Variants in FHIT observed in about 807,000 individuals in gnomAD.
The protein encoded by FHIT is bis(5'-adenosyl)-triphosphatase.
In FHIT, 19 loss-of-function variants were observed where a neutral mutation model predicts 17.9. That is an observed-to-expected ratio of 1.06 (90% confidence interval 0.74 to 1.56). FHIT has a LOEUF of 1.56. Among genes scored for constraint, FHIT ranks in the 40% most tolerant of loss-of-function variants. FHIT has a pLI of 0.00. For synonymous variants in FHIT, 81 were observed against 69.7 expected, an observed-to-expected ratio of 1.16 and a Z score of -0.81; for missense variants, 248 against 189.2, an observed-to-expected ratio of 1.31 and a Z score of -1.82.
At chr3:60,694,326 A>T (rs1553700111) in intron 4 of FHIT, among the ~76,000 whole-genome samples, 1 of 152,130 alleles carries the variant, frequency 6.6e-6, no homozygotes, top group Non-Finnish European at 1.5e-5. Context: ...AGAAAGAAAG[A>T]AAACAATCAG....
At chr3:60,463,897 T>G (rs1214576247) in intron 5 of FHIT, among the ~76,000 whole-genome samples, 1 of 152,240 alleles carries the variant, frequency 6.6e-6, no homozygotes, top group African/African-American at 2.4e-5. Flanking sequence ...CAGCTGTTAA[T>G]TATTATCCAC....
chr3:60,118,392 G>A (rs1705078741), intron 5 of FHIT, among the ~76,000 whole-genome samples: 2 of 151,714 alleles, frequency 1.3e-5, no homozygotes, highest in Admixed American at 6.6e-5. Context: ...ATACGTGTGA[G>A]CCACTGCACC....
Position 60,092,621 on chromosome 3 carries a change from G to A in FHIT, c.104-78469C>T, listed in dbSNP as rs189591188. Among the ~76,000 whole-genome samples, 17 of 152,222 alleles carry A rather than the reference G, an allele frequency of 1.1e-4. No individual in the cohort carries two copies. In the East Asian group the frequency reaches 3.3e-3, roughly 29 times the overall value. ...AAGTATGGTAAGAACAAGTCACTAG[G>A]AGGCCAGCAAGAGAGGATTAATGAA... On this transcript the variant is annotated intron_variant, in intron 5 of 9. Coordinates refer to ENST00000492590, the MANE Select transcript of FHIT (RefSeq NM_002012.4).
chr3:61,005,107 G>A (rs2031357370), intron 3 of FHIT, among the ~76,000 whole-genome samples: 1 of 152,072 alleles, frequency 6.6e-6, no homozygotes, highest in Non-Finnish European at 1.5e-5. Flanking sequence ...ATTCTCCCTA[G>A]AAAGAATGTG....
intron 3 of FHIT, among the ~76,000 whole-genome samples, chr3:60,857,321 T>A (rs1703430590): frequency 6.6e-6 from 1 of 152,258 alleles, no homozygotes; most frequent in African/African-American, 2.4e-5. Flanking sequence ...AAAATCAGTG[T>A]CCTCCCTATC....
chr3:61,062,055 A>G (rs1231252169), intron 2 of FHIT, among the ~76,000 whole-genome samples: 1 of 152,166 alleles, frequency 6.6e-6, no homozygotes, highest in African/African-American at 2.4e-5. Context: ...ATATAATACT[A>G]TATATAATAC....
intron 8 of FHIT, among the ~76,000 whole-genome samples, chr3:59,774,643 T>A (rs1702222639): frequency 2.0e-5 from 3 of 152,140 alleles, no homozygotes; most frequent in Non-Finnish European, 4.4e-5. Flanking sequence ...TAATGACACA[T>A]TTTTGCTTTA....
intron 4 of FHIT, among the ~76,000 whole-genome samples, chr3:60,568,816 T>C (rs1367927511): frequency 1.3e-5 from 2 of 152,056 alleles, no homozygotes; most frequent in Non-Finnish European, 2.9e-5. Context: ...CAGGAGCACA[T>C]ACTTAAAGAG....
At chr3:60,053,554 A>G (rs960136462) in intron 5 of FHIT, among the ~76,000 whole-genome samples, 1 of 151,964 alleles carries the variant, frequency 6.6e-6, no homozygotes, top group African/African-American at 2.4e-5. Context: ...GAGCCACACA[A>G]GTTGGAAAGG....
intron 5 of FHIT, among the ~76,000 whole-genome samples, chr3:60,494,618 A>G (rs2034217129): frequency 6.6e-6 from 1 of 151,998 alleles, no homozygotes; most frequent in Non-Finnish European, 1.5e-5. Flanking sequence ...CCTGCCCACC[A>G]CCTGTCAACT....
At chr3:60,308,496 GTATATATATATATATATA>G (rs5849349) in intron 5 of FHIT, among the ~76,000 whole-genome samples, 1 of 140,878 alleles carries the variant, frequency 7.1e-6, no homozygotes. Context: ...AGGTGTATGT[GTATATATATATATATATA>G]TATATATATA....
At chr3:60,926,693 A>G (rs1371064433) in intron 3 of FHIT, among the ~76,000 whole-genome samples, 4 of 152,230 alleles carry the variant, frequency 2.6e-5, no homozygotes, top group African/African-American at 9.6e-5. Context: ...AAGGCAAGCA[A>G]TAACTAACAT....
At chr3:60,322,489 T>C (rs1269919552) in intron 5 of FHIT, among the ~76,000 whole-genome samples, 1 of 152,196 alleles carries the variant, frequency 6.6e-6, no homozygotes, top group Admixed American at 6.5e-5. Flanking sequence ...CCTTTTGCTT[T>C]ATTAACAAGA....
intron 5 of FHIT, among the ~76,000 whole-genome samples, chr3:60,422,059 A>C (rs1462601821): frequency 6.6e-6 from 1 of 152,140 alleles, no homozygotes. Flanking sequence ...GACATCTTAA[A>C]TGCCTCTGCA....
At chr3:61,205,372 T>C (rs1274851635) in intron 1 of FHIT, among the ~76,000 whole-genome samples, 1 of 152,158 alleles carries the variant, frequency 6.6e-6, no homozygotes, top group Non-Finnish European at 1.5e-5. Context: ...GTATATCTAG[T>C]TCTAGATCCC....
At chr3:60,900,821 A>G (rs1313707072) in intron 3 of FHIT, among the ~76,000 whole-genome samples, 1 of 152,158 alleles carries the variant, frequency 6.6e-6, no homozygotes, top group Non-Finnish European at 1.5e-5. Context: ...TCTGTCGCCC[A>G]GGCTGGAGTG....
At chr3:60,554,209 G>A (rs114840030) in intron 4 of FHIT, among the ~76,000 whole-genome samples, 3 of 150,404 alleles carry the variant, frequency 2.0e-5, no homozygotes, top group Non-Finnish European at 4.4e-5. Context: ...GCCGAGATTC[G>A]TTTTTTTCAT....
At chr3:60,432,905 T>A (rs1702979744) in intron 5 of FHIT, among the ~76,000 whole-genome samples, 1 of 99,296 alleles carries the variant, frequency 1.0e-5, no homozygotes, top group Non-Finnish European at 2.1e-5. Flanking sequence ...AAACATTTGC[T>A]AGAAGAATTG....
rs544815165 is a variant in FHIT at position 59,977,022 on chromosome 3, G to A, written c.279+34349C>T. 5.3e-5 allele frequency among the ~76,000 whole-genome samples: 8 copies of A among 152,144 alleles called. No individual in the cohort carries two copies. The East Asian group carries it at 7.7e-4, about 15-fold the overall frequency. ...TCTGGGTGGGTGGATCAGGCAGTGG[G>A]GGACAGTGAAAACTGGTGAAATTAT... On this transcript the variant is annotated intron_variant, in intron 7 of 9. Transcript: ENST00000492590.
Sources: allele counts gnomAD v4.1 joint callset (sites outside exome capture counted in the v4.1 genomes callset), GRCh38; gene constraint gnomAD v4.1.1; transcripts MANE v1.5; gene names NCBI Gene and HGNC (gene_info 2026-07-23, HGNC 2026-07-21).